The following CSRNP3 variants were observed in gnomAD, a reference collection of about 807,000 sequenced individuals.
CSRNP3 encodes cysteine/serine-rich nuclear protein 3.
A neutral mutation model predicts 48.0 loss-of-function variants in CSRNP3; 12 were observed. The observed-to-expected ratio is 0.25, with a 90% confidence interval of 0.16 to 0.41. The LOEUF is 0.41. CSRNP3 is among the 10% of genes least tolerant of loss of function. The pLI is 1.00. For synonymous variants in CSRNP3, 263 were observed against 269.7 expected, an observed-to-expected ratio of 0.98 and a Z score of 0.24; for missense variants, 580 against 724.4, an observed-to-expected ratio of 0.80 and a Z score of 2.29.
At chr2:165,537,730 A>T (rs913799383) in intron 3 of CSRNP3, among the ~76,000 whole-genome samples, 1 of 151,574 alleles carries the variant, frequency 6.6e-6, no homozygotes, top group Non-Finnish European at 1.5e-5. Flanking sequence ...AAGTTATCAT[A>T]CTTCTTTTCT....
At chr2:165,573,051 TATTTA>T (rs1685396534) in intron 3 of CSRNP3, among the ~76,000 whole-genome samples, 1 of 152,102 alleles carries the variant, frequency 6.6e-6, no homozygotes, top group Non-Finnish European at 1.5e-5. Context: ...AGGTTTGGAA[TATTTA>T]ATTATTTGAA....
chr2:165,623,850 T>C (rs1686383972), intron 4 of CSRNP3, among the ~76,000 whole-genome samples: 1 of 152,202 alleles, frequency 6.6e-6, no homozygotes, highest in African/African-American at 2.4e-5. Context: ...TGTTACTTTT[T>C]CTAACTCTCT....
chr2:165,533,123 A>G (rs1684837182), intron 3 of CSRNP3, among the ~76,000 whole-genome samples: 1 of 152,126 alleles, frequency 6.6e-6, no homozygotes, highest in Non-Finnish European at 1.5e-5. Flanking sequence ...ATTTGTCAAC[A>G]TTGTGTAACT....
chr2:165,651,864 C>T (rs1686916577), intron 4 of CSRNP3, among the ~76,000 whole-genome samples: 1 of 151,986 alleles, frequency 6.6e-6, no homozygotes, highest in Admixed American at 6.5e-5. Flanking sequence ...CCATGCTGGC[C>T]AGGCTGGTGT....
At chr2:165,603,887 G>GCAGAGCTT (rs1229232010) in intron 4 of CSRNP3, among the ~76,000 whole-genome samples, 1 of 152,074 alleles carries the variant, frequency 6.6e-6, no homozygotes, top group Non-Finnish European at 1.5e-5. Context: ...TTCATGTACA[G>GCAGAGCTT]CAGAGCTTGC....
chr2:165,676,664 AG>A, intron 6 of CSRNP3, 56 bp downstream of exon 6: 1 of 1,516,824 alleles, frequency 6.6e-7, no homozygotes, highest in Non-Finnish European at 9.1e-7. Flanking sequence ...CCACCCCCTA[AG>A]GAGGCAGTCA....
At chr2:165,526,009 A>G (rs1684728142) in intron 3 of CSRNP3, among the ~76,000 whole-genome samples, 1 of 152,150 alleles carries the variant, frequency 6.6e-6, no homozygotes, top group South Asian at 2.1e-4. Context: ...TTTTTTATCC[A>G]CTAAATTGAC....
chr2:165,524,303 T>C (rs1402537799), intron 3 of CSRNP3, among the ~76,000 whole-genome samples: 10 of 152,178 alleles, frequency 6.6e-5, no homozygotes, highest in Non-Finnish European at 8.8e-5. Flanking sequence ...AGGTGTGATC[T>C]GTGCATTACA....
At chr2:165,516,101 C>T (rs546311977) in intron 2 of CSRNP3, among the ~76,000 whole-genome samples, 1 of 151,978 alleles carries the variant, frequency 6.6e-6, no homozygotes, top group African/African-American at 2.4e-5. Context: ...CCACTGTGCC[C>T]GGCCACAAAT....
intron 3 of CSRNP3, among the ~76,000 whole-genome samples, chr2:165,553,052 T>C (rs1685118237): frequency 6.6e-6 from 1 of 152,188 alleles, no homozygotes; most frequent in Non-Finnish European, 1.5e-5. Flanking sequence ...CCAGTGGTAG[T>C]TTTGTGATTA....
At chr2:165,633,214 G>A (rs1193758203) in intron 4 of CSRNP3, among the ~76,000 whole-genome samples, 1 of 152,130 alleles carries the variant, frequency 6.6e-6, no homozygotes, top group Non-Finnish European at 1.5e-5. Context: ...TAATGTTATT[G>A]CTAAAAGGAA....
At chr2:165,592,588 G>A (rs973813736) in intron 3 of CSRNP3, among the ~76,000 whole-genome samples, 3 of 152,038 alleles carry the variant, frequency 2.0e-5, no homozygotes, top group Admixed American at 1.3e-4. Context: ...GGGGGTAATT[G>A]AATCATGGGG....
chr2:165,615,986 C>T (rs1245115908), intron 4 of CSRNP3, among the ~76,000 whole-genome samples: 2 of 150,670 alleles, frequency 1.3e-5, no homozygotes, highest in African/African-American at 4.9e-5. Context: ...CTGCCTCAGC[C>T]TTCTGAGTCA....
intron 2 of CSRNP3, among the ~76,000 whole-genome samples, chr2:165,499,428 G>C (rs1227446053): frequency 6.6e-6 from 1 of 152,094 alleles, no homozygotes; most frequent in African/African-American, 2.4e-5. Context: ...AAGAGAGAGA[G>C]ACAGTTGGTG....
chr2:165,528,798 A>AT (rs1684772355), intron 3 of CSRNP3, among the ~76,000 whole-genome samples: 1 of 152,328 alleles, frequency 6.6e-6, no homozygotes, highest in East Asian at 1.9e-4. Flanking sequence ...CGCTGCTATC[A>AT]TGCCGGCTGC....
At chr2:165,656,885 A>C (rs1247792726) in intron 4 of CSRNP3, among the ~76,000 whole-genome samples, 1 of 152,220 alleles carries the variant, frequency 6.6e-6, no homozygotes, top group Non-Finnish European at 1.5e-5. Context: ...TGTGAAAGTC[A>C]TAAAACCAAA....
intron 3 of CSRNP3, among the ~76,000 whole-genome samples, chr2:165,571,815 T>G (rs753461786): frequency 3.3e-5 from 5 of 152,122 alleles, no homozygotes; most frequent in Non-Finnish European, 5.9e-5. Flanking sequence ...CTCATCTACT[T>G]TATCAAAAGT....
At chr2:165,649,550 T>C (rs143015852) in intron 4 of CSRNP3, among the ~76,000 whole-genome samples, 2 of 152,242 alleles carry the variant, frequency 1.3e-5, no homozygotes, top group East Asian at 3.9e-4. Flanking sequence ...AGTTGGTTGG[T>C]TGGTTAGAAA....
At chr2:165,541,983 A>G (rs1358817868) in intron 3 of CSRNP3, among the ~76,000 whole-genome samples, 1 of 152,180 alleles carries the variant, frequency 6.6e-6, no homozygotes, top group Non-Finnish European at 1.5e-5. Context: ...AGCCAGGTCT[A>G]GAAATTGAAA....
Sources: allele counts gnomAD v4.1 joint callset (sites outside exome capture counted in the v4.1 genomes callset), GRCh38; gene constraint gnomAD v4.1.1; transcripts MANE v1.5; gene names NCBI Gene and HGNC (gene_info 2026-07-23, HGNC 2026-07-21).